The following ROBO2 variants were observed in gnomAD, a reference collection of about 807,000 sequenced individuals.
The protein encoded by ROBO2 is roundabout guidance receptor 2, also known as roundabout homolog 2.
Under a neutral mutation model 160.8 loss-of-function variants are expected in ROBO2, and 53 were observed. The ratio of observed to expected loss-of-function variants is 0.33; its 90% CI spans 0.26 to 0.41. The LOEUF is 0.41. ROBO2 is among the 10% of genes least tolerant of loss of function. ROBO2 has a pLI of 1.00. For synonymous variants in ROBO2, 664 were observed against 611.7 expected, an observed-to-expected ratio of 1.09 and a Z score of -1.26; for missense variants, 1,577 against 1,722.4, an observed-to-expected ratio of 0.92 and a Z score of 1.49.
intron 2 of ROBO2, among the ~76,000 whole-genome samples, chr3:76,051,122 A>G (rs967215306): frequency 4.6e-5 from 7 of 152,098 alleles, no homozygotes. Flanking sequence ...ATATATTGCC[A>G]TATTGCCTAG....
intron 2 of ROBO2, among the ~76,000 whole-genome samples, chr3:76,998,013 G>C (rs913448530): frequency 2.0e-5 from 3 of 152,064 alleles, no homozygotes; most frequent in Non-Finnish European, 4.4e-5. Flanking sequence ...TGAGTCATGG[G>C]CTCAGAACAG....
intron 2 of ROBO2, among the ~76,000 whole-genome samples, chr3:76,533,873 T>C (rs917571380): frequency 6.6e-6 from 1 of 151,940 alleles, no homozygotes; most frequent in African/African-American, 2.4e-5. Flanking sequence ...GAACGAGTCA[T>C]AGTGGTGGAA....
chr3:76,833,317 G>A (rs1372478759), intron 2 of ROBO2, among the ~76,000 whole-genome samples: 4 of 152,016 alleles, frequency 2.6e-5, no homozygotes, highest in Admixed American at 1.3e-4. Flanking sequence ...AACTATTGGT[G>A]GCATCACATG....
At chr3:77,606,345 T>G (rs1011251114) in intron 20 of ROBO2, among the ~76,000 whole-genome samples, 2 of 152,212 alleles carry the variant, frequency 1.3e-5, no homozygotes, top group African/African-American at 4.8e-5. Flanking sequence ...CTGTTTTACA[T>G]GTGCAAAAAT....
chr3:76,005,272 T>A (rs983499472), intron 2 of ROBO2, among the ~76,000 whole-genome samples: 1 of 152,198 alleles, frequency 6.6e-6, no homozygotes, highest in Non-Finnish European at 1.5e-5. Flanking sequence ...GATCTTTGAA[T>A]GAGCACTGAG....
chr3:76,609,842 C>G (rs188046152), intron 2 of ROBO2, among the ~76,000 whole-genome samples: 12 of 152,238 alleles, frequency 7.9e-5, no homozygotes, highest in African/African-American at 2.9e-4. Flanking sequence ...CAGTATGATA[C>G]TAGCTGTGGG....
intron 2 of ROBO2, among the ~76,000 whole-genome samples, chr3:76,963,519 G>A (rs2079823858): frequency 6.6e-6 from 1 of 152,066 alleles, no homozygotes; most frequent in African/African-American, 2.4e-5. Context: ...TTCTTCTCTA[G>A]AACTGTTTCT....
chr3:77,638,261 A>G (rs1306233076), intron 24 of ROBO2, among the ~76,000 whole-genome samples: 2 of 152,262 alleles, frequency 1.3e-5, no homozygotes, highest in East Asian at 3.8e-4. Flanking sequence ...ACTTAGCAGC[A>G]TTGATTGTAC....
At chr3:76,073,473 A>G (rs1055285126) in intron 2 of ROBO2, among the ~76,000 whole-genome samples, 30 of 151,046 alleles carry the variant, frequency 2.0e-4, no homozygotes, top group Middle Eastern at 3.4e-3. Flanking sequence ...TTGTATTTTT[A>G]GTAGAGACGG....
chr3:77,504,077 T>C (rs2088083744), intron 5 of ROBO2, among the ~76,000 whole-genome samples: 1 of 152,084 alleles, frequency 6.6e-6, no homozygotes, highest in Non-Finnish European at 1.5e-5. Flanking sequence ...TATTTGGAGG[T>C]GGGAGGTTAG....
At chr3:76,676,738 A>G (rs892217148) in intron 2 of ROBO2, among the ~76,000 whole-genome samples, 1 of 152,160 alleles carries the variant, frequency 6.6e-6, no homozygotes, top group Non-Finnish European at 1.5e-5. Context: ...AAACATGCAT[A>G]TACTCTGAAG....
chr3:77,296,608 T>C (rs1056597665), intron 2 of ROBO2, among the ~76,000 whole-genome samples: 2 of 152,154 alleles, frequency 1.3e-5, no homozygotes, highest in African/African-American at 4.8e-5. Flanking sequence ...CCCTGGACAT[T>C]GAGACCTTTA....
intron 1 of ROBO2, among the ~76,000 whole-genome samples, chr3:77,075,001 T>G (rs1266632454): frequency 6.6e-6 from 1 of 152,300 alleles, no homozygotes; most frequent in South Asian, 2.1e-4. Flanking sequence ...TTACTTAAAA[T>G]TTTGTAGCTG....
intron 2 of ROBO2, among the ~76,000 whole-genome samples, chr3:76,899,192 CA>C (rs2075043566): frequency 1.3e-5 from 2 of 152,050 alleles, no homozygotes; most frequent in Admixed American, 1.3e-4. Flanking sequence ...GAAGTTTTGA[CA>C]GAGCTCTTCA....
At chr3:77,146,043 GTTC>G (rs1369764600) in intron 2 of ROBO2, among the ~76,000 whole-genome samples, 3 of 152,050 alleles carry the variant, frequency 2.0e-5, no homozygotes, top group Non-Finnish European at 2.9e-5. Context: ...GAGGCCATTA[GTTC>G]TTCTACAAGC....
At chr3:77,080,658 T>C (rs996567765) in intron 1 of ROBO2, among the ~76,000 whole-genome samples, 5 of 152,176 alleles carry the variant, frequency 3.3e-5, no homozygotes, top group African/African-American at 1.2e-4. Context: ...CTCGAGAATT[T>C]GTTATTTTGC....
rs562649650 is a variant in ROBO2 at position 75,989,621 on chromosome 3, AT to A, written c.109+52020del. 4.7e-4 allele frequency among the ~76,000 whole-genome samples: 72 copies of A among 152,356 alleles called. No homozygotes were observed. In the East Asian group the frequency reaches 0.012, roughly 26 times the overall value. The stretch of plus-strand genomic sequence containing the variant: ...CAGGTTTTGAAAGAACATGTTAAAG[AT>A]AAGTATGAAGATTACCAAAAAAAGA... On this transcript the variant is annotated intron_variant, in intron 2 of 26. Transcript: ENST00000487694.
intron 2 of ROBO2, among the ~76,000 whole-genome samples, chr3:76,716,909 T>C (rs1412331795): frequency 6.6e-6 from 1 of 152,214 alleles, no homozygotes; most frequent in African/African-American, 2.4e-5. Context: ...TCTACTCTCA[T>C]GAAAATATAC....
At chr3:76,603,343 AAAAAAAAAATATAT>A (rs1239430169) in intron 2 of ROBO2, among the ~76,000 whole-genome samples, 997 of 75,294 alleles carry the variant, frequency 0.013, 8 homozygotes, top group Non-Finnish European at 0.017. Context: ...AAAAAAAAAA[AAAAAAAAAATATAT>A]ATATATATAT....
Sources: allele counts gnomAD v4.1 joint callset (sites outside exome capture counted in the v4.1 genomes callset), GRCh38; gene constraint gnomAD v4.1.1; transcripts MANE v1.5; gene names NCBI Gene and HGNC (gene_info 2026-07-23, HGNC 2026-07-21).